CERS6: variants seen among roughly 807,000 people sequenced by gnomAD.
CERS6 encodes the protein ceramide synthase 6, also known as LAG1 homolog, ceramide synthase 6.
A neutral mutation model predicts 56.8 loss-of-function variants in CERS6; 26 were observed. The observed-to-expected ratio is 0.46, with a 90% CI of 0.34 to 0.63. CERS6 has a LOEUF of 0.63. Ranked by LOEUF, CERS6 falls within the 30% of genes least tolerant of loss-of-function variation. CERS6 has a pLI of 0.01. For missense variants in CERS6, 415 were observed against 467.5 expected, an observed-to-expected ratio of 0.89 and a Z score of 1.04; for synonymous variants, 164 against 173.3, an observed-to-expected ratio of 0.95 and a Z score of 0.42.
chr2:168,733,757 A>T (rs1211595477), intron 8 of CERS6, among the ~76,000 whole-genome samples: 1 of 152,162 alleles, frequency 6.6e-6, no homozygotes, highest in East Asian at 1.9e-4. Context: ...ATGGTAGAGG[A>T]GCAGGTAAAG....
At chr2:168,621,064 G>T (rs1015515189) in intron 3 of CERS6, among the ~76,000 whole-genome samples, 1 of 152,090 alleles carries the variant, frequency 6.6e-6, no homozygotes, top group Non-Finnish European at 1.5e-5. Flanking sequence ...GAAAACTTAA[G>T]AACTTTGGCT....
chr2:168,620,415 C>T (rs1015225148), intron 3 of CERS6, among the ~76,000 whole-genome samples: 8 of 151,936 alleles, frequency 5.3e-5, no homozygotes, highest in African/African-American at 1.9e-4. Context: ...CCTCAAAAAC[C>T]TATGAAAACA....
intron 4 of CERS6, among the ~76,000 whole-genome samples, chr2:168,658,277 T>A (rs1161777365): frequency 1.3e-5 from 2 of 152,220 alleles, no homozygotes; most frequent in Non-Finnish European, 2.9e-5. Flanking sequence ...GTTTTCTCTT[T>A]TAGGGTCCTT....
In CERS6 at chr2:168,772,341, G is replaced by A. The variant is rs890536700; in HGVS notation, c.*2679G>A. ...GTTAATAGCTTTTCTGGATCTCTTA[G>A]TAGGGGGAAAGTAGAAAATCGAGTA... On this transcript the variant is annotated 3_prime_UTR_variant, in exon 10 of 10. Transcript: ENST00000305747. 2 of 152,600 alleles carry A rather than the reference G, an allele frequency of 1.3e-5. No homozygotes were observed. The highest frequency in any genetic ancestry group is 2.9e-5 in the Non-Finnish European group (2 of 68,022). 9.5% of individuals were successfully genotyped at this position (152,600 alleles called of 1,614,324 possible).
At chr2:168,639,954 C>G (rs1419774041) in intron 4 of CERS6, among the ~76,000 whole-genome samples, 2 of 152,032 alleles carry the variant, frequency 1.3e-5, no homozygotes, top group African/African-American at 4.8e-5. Context: ...ATTTATTAGT[C>G]AAAAATCTGG....
Position 168,772,728 on chromosome 2 carries a change from T to C in CERS6, c.*3066T>C, listed in dbSNP as rs1162787572. On this transcript the variant is annotated 3_prime_UTR_variant, in exon 10 of 10. Transcript: ENST00000305747. ...CATAGGGAAGCAACTCTCAGTATTT[T>C]GGATTATTCAAGTGTATGTGGTAAA... 1 of 152,680 alleles carries C rather than the reference T, an allele frequency of 6.5e-6. No individual in the cohort carries two copies. The highest frequency in any genetic ancestry group is 1.5e-5 in the Non-Finnish European group (1 of 68,054). The allele number at this position is 152,680 out of a possible 1,614,324, so 9.5% of individuals were successfully genotyped here. A position where few individuals can be genotyped will look rare whatever the true frequency, so the allele number is the denominator to read the frequency against.
chr2:168,459,877 T>G (rs575624343), intron 1 of CERS6, among the ~76,000 whole-genome samples: 8 of 152,350 alleles, frequency 5.3e-5, no homozygotes, highest in Non-Finnish European at 1.2e-4. Flanking sequence ...TTTATAAATG[T>G]GGAAATTGTG....
At chr2:168,501,776 A>T (rs1177980210) in intron 1 of CERS6, among the ~76,000 whole-genome samples, 1 of 152,158 alleles carries the variant, frequency 6.6e-6, no homozygotes, top group African/African-American at 2.4e-5. Context: ...AATGGGCCAG[A>T]TTTTTCAAAC....
intron 2 of CERS6, among the ~76,000 whole-genome samples, chr2:168,554,127 G>T (rs1326079718): frequency 6.6e-6 from 1 of 151,588 alleles, no homozygotes; most frequent in African/African-American, 2.4e-5. Context: ...AGAGTCATAT[G>T]GATAACCACT....
At chr2:168,755,449 G>A (rs62175681) in intron 8 of CERS6, among the ~76,000 whole-genome samples, 1 of 152,116 alleles carries the variant, frequency 6.6e-6, no homozygotes, top group South Asian at 2.1e-4. Flanking sequence ...GCATAAAGAT[G>A]GATACTGTGT....
Position 168,457,699 on chromosome 2 carries a change from A to G in CERS6, c.170+1081A>G, listed in dbSNP as rs559394911. Reference sequence around the variant, plus strand: ...CGCCTTTCTTCCCCGCCTTCAACTCACCTTGGTTTTGTTTCTTAAGCTTTT... The same window carrying G: ...CGCCTTTCTTCCCCGCCTTCAACTCGCCTTGGTTTTGTTTCTTAAGCTTTT... On this transcript the variant is annotated intron_variant, in intron 1 of 9. Coordinates refer to ENST00000305747, the MANE Select transcript of CERS6 (RefSeq NM_203463.3). 3.3e-5 allele frequency among the ~76,000 whole-genome samples: 5 copies of G among 151,864 alleles called. No individual in the cohort carries two copies. The South Asian group carries it at 1.0e-3, about 32-fold the overall frequency.
rs1198039383 is a variant in CERS6 at position 168,631,688 on chromosome 2, TATATATTTA to T, written c.465+649_465+657del. 6.1e-3 allele frequency among the ~76,000 whole-genome samples: 698 copies of T among 114,120 alleles called. 11 individuals carry two copies. The highest frequency in any genetic ancestry group is 0.023 in the African/African-American group (662 of 28,674). 74.9% of individuals were successfully genotyped at this position (114,120 alleles called of 152,430 possible). On this transcript the variant is annotated intron_variant, in intron 4 of 9. Transcript: ENST00000305747. ...CATTTTATATTTATATTTATATTTA[TATATATTTA>T]ATTTATATTTATATTATATTTATAT... is the stretch of plus-strand genomic sequence containing the variant.
intron 3 of CERS6, among the ~76,000 whole-genome samples, chr2:168,567,123 G>C (rs900302863): frequency 4.6e-5 from 7 of 152,186 alleles, no homozygotes; most frequent in African/African-American, 1.7e-4. Flanking sequence ...TCTAGTTCTT[G>C]AAAAGTACAG....
chr2:168,572,399 A>G (rs1326486015), intron 3 of CERS6, among the ~76,000 whole-genome samples: 1 of 152,064 alleles, frequency 6.6e-6, no homozygotes, highest in East Asian at 1.9e-4. Context: ...CTTCTCACCC[A>G]CAAATAAAGA....
At position 168,524,122 on chromosome 2, in the gene CERS6, C is replaced by G. The variant is rs541229024; in HGVS notation, c.171-23474C>G. On this transcript the variant is annotated intron_variant, in intron 1 of 9. Transcript: ENST00000305747. ...TTGAATGTTGAGTTCGTGTGTGTGT[C>G]TGACATCTATTATTTGTAACCTATA... Among the ~76,000 whole-genome samples the G allele has an allele frequency of 2.0e-5, 3 of 152,280 alleles. No individual in the cohort carries two copies. The South Asian group carries it at 6.2e-4, about 32-fold the overall frequency.
rs1214021675 is a variant in CERS6 at position 168,656,601 on chromosome 2, T to C, written c.465+25559T>C. ...TTTCCTCCCGGTGGGCTCGTGGTCT[T>C]GCTGGGCTCAGGAGTGAAGCTGCAG... is the stretch of plus-strand genomic sequence containing the variant. On this transcript the variant is annotated intron_variant, in intron 4 of 9. Coordinates refer to ENST00000305747, the MANE Select transcript of CERS6 (RefSeq NM_203463.3). Among the ~76,000 whole-genome samples, 9 of 152,056 alleles carry C rather than the reference T, an allele frequency of 5.9e-5. No homozygotes were observed. In the South Asian group the frequency reaches 1.3e-3, roughly 21 times the overall value.
intron 4 of CERS6, among the ~76,000 whole-genome samples, chr2:168,656,367 T>C (rs1193326286): frequency 6.6e-6 from 1 of 152,234 alleles, no homozygotes; most frequent in Non-Finnish European, 1.5e-5. Flanking sequence ...GTTCTTGGTC[T>C]CACTGACTTC....
intron 8 of CERS6, among the ~76,000 whole-genome samples, chr2:168,745,302 C>T (rs896576721): frequency 1.3e-5 from 2 of 151,522 alleles, no homozygotes; most frequent in African/African-American, 2.4e-5. Flanking sequence ...AGTGCAGTGG[C>T]ACAGTCTCGG....
intron 4 of CERS6, among the ~76,000 whole-genome samples, chr2:168,644,817 G>A (rs1685134444): frequency 6.6e-6 from 1 of 151,850 alleles, no homozygotes; most frequent in Non-Finnish European, 1.5e-5. Context: ...TTCTAGGCTG[G>A]GCGCGGTGGC....
Sources: gnomAD v4.1 joint callset for allele counts (sites outside exome capture counted in the v4.1 genomes callset) on GRCh38, gnomAD v4.1.1 for gene constraint, MANE v1.5 for transcripts, NCBI Gene and HGNC (gene_info 2026-07-23, HGNC 2026-07-21) for gene names.